Variants in TPSB2 observed in about 807,000 individuals in gnomAD.
The protein encoded by TPSB2 is tryptase beta-2.
Under a neutral mutation model 19.8 loss-of-function variants are expected in TPSB2, and 13 were observed. The ratio of observed to expected loss-of-function variants is 0.66; its 90% CI spans 0.43 to 1.04. TPSB2 has a LOEUF of 1.04. Among genes scored for constraint, TPSB2 ranks in the 50% least tolerant of loss-of-function variants. TPSB2 has a pLI of 0.00. For missense variants in TPSB2, 196 were observed against 259.9 expected, an observed-to-expected ratio of 0.75 and a Z score of 1.69; for synonymous variants, 78 against 116.4, an observed-to-expected ratio of 0.67 and a Z score of 2.12.
chr16:1,228,542 G>C lies in TPSB2; in HGVS notation c.*108C>G. 5.5e-6 allele frequency: 4 copies of C among 729,374 alleles called. No individual in the cohort carries two copies. Among genetic ancestry groups the C allele is most frequent in the Non-Finnish European group, 4.6e-6 (2 of 436,884 alleles). 45.2% of individuals were successfully genotyped at this position (729,374 alleles called of 1,614,324 possible). A position where few individuals can be genotyped will look rare whatever the true frequency, so the allele number is the denominator to read the frequency against. ...TAGGACAGGAAGGGGCACTCAGGAC[G>C]GGGCAGGGAAGGTGTGGGGGGCAGT... is the stretch of plus-strand genomic sequence containing the variant. On this transcript the variant is annotated 3_prime_UTR_variant, in exon 6 of 6. Coordinates refer to ENST00000606293, the MANE Select transcript of TPSB2 (RefSeq NM_024164.6).
rs765121043 is a variant in TPSB2, at chr16:1,228,713, G to T, written c.765C>A (p.Gly255=). The change falls in exon 6 of 6, where the codon GGC becomes GGA. Residue 255 remains glycine, a synonymous_variant. Coordinates refer to ENST00000606293, the MANE Select transcript of TPSB2 (RefSeq NM_024164.6). ...GEGCAQPNRP[G]IYTRVTYYLD... ...AGTAGTAGGTGACACGGGTGTAGAT[G>T]CCAGGCCGGTTGGGCTGGGCACAGC... 3.6e-5 allele frequency: 57 copies of T among 1,585,672 alleles called. No individual in the cohort carries two copies. Among genetic ancestry groups the T allele is most frequent in the Middle Eastern group, 1.7e-4 (1 of 5,834 alleles).
In TPSB2 at chr16:1,229,694, C is replaced by G. The variant is rs774814351; in HGVS notation, c.105G>C (p.Gln35His). Residue 35 changes from glutamine to histidine, a missense_variant, in exon 3 of 6, where the codon CAG becomes CAC. Gln to His is a conservative substitution (Grantham distance 24). Transcript: ENST00000606293. ...ALQRVGIVGG[Q>H]EAPRSKWPWQ... ...AGGGCCACTTGCTCCTGGGGGCCTC[C>G]TGACCCCCAACGATGCCCACTCGCT... The G allele has an allele frequency of 1.2e-6, 2 of 1,606,122 alleles. 1 individual carries two copies. Among genetic ancestry groups the G allele is most frequent in the African/African-American group, 2.8e-5 (2 of 72,052 alleles).
chr16:1,229,630 G>T lies in TPSB2; in HGVS notation c.169C>A (p.His57Asn), dbSNP rs531056933. Residue 57 changes from histidine (H) to asparagine (N), a missense_variant, in exon 3 of 6, where the codon CAC becomes AAC. Around this residue, in one of 4 missense-constraint regions of TPSB2, gnomAD observed 72 missense variants for 80.5 expected, o/e 0.89. Transcript: ENST00000606293. ...TGGATGAGGGAGCCCCCGCAGAAGT[G>T]CATCCAGTATCGGTCGCGGACTCTC... ...SLRVRDRYWM[H>N]FCGGSLIHPQ... is the part of the protein sequence containing the mutation. 27 of 1,603,602 alleles carry T rather than the reference G, an allele frequency of 1.7e-5. No homozygotes were observed. The highest frequency in any genetic ancestry group is 2.3e-5 in the Non-Finnish European group (27 of 1,179,064).
In TPSB2 at chr16:1,228,612, G is replaced by A. The variant is rs779703185; in HGVS notation, c.*38C>T. ...AGTGGTGTTTTGAACAGGAGGGGCT[G>A]GCTCTCCAGTGACCCAGGTGGACAC... On this transcript the variant is annotated 3_prime_UTR_variant, in exon 6 of 6. Transcript: ENST00000606293. 2.7e-5 allele frequency: 42 copies of A among 1,541,810 alleles called. 4 individuals carry two copies. In the South Asian group the frequency reaches 4.6e-4, roughly 17 times the overall value.
In TPSB2 at chr16:1,228,559, G is replaced by T; in HGVS notation, c.*91C>A. On this transcript the variant is annotated 3_prime_UTR_variant, in exon 6 of 6. Coordinates refer to ENST00000606293, the MANE Select transcript of TPSB2 (RefSeq NM_024164.6). Reference sequence around the variant, plus strand: ...CTCAGGACGGGGCAGGGAAGGTGTGGGGGGCAGTCGCCACCTGGGTAGGAA... The same window carrying T: ...CTCAGGACGGGGCAGGGAAGGTGTGTGGGGCAGTCGCCACCTGGGTAGGAA... The T allele has an allele frequency of 2.3e-6, 3 of 1,288,552 alleles. No individual in the cohort carries two copies. Among genetic ancestry groups the T allele is most frequent in the Non-Finnish European group, 3.2e-6 (3 of 926,110 alleles). The allele number at this position is 1,288,552 out of a possible 1,614,324, so 79.8% of individuals were successfully genotyped here. A position where few individuals can be genotyped will look rare whatever the true frequency, so the allele number is the denominator to read the frequency against.
At position 1,228,742 on chromosome 16, in the gene TPSB2, C is replaced by T. The variant is rs772422008; in HGVS notation, c.736G>A (p.Glu246Lys). ...WLQAGVVSWG[E>K]GCAQPNRPGI... ...GGCCGGTTGGGCTGGGCACAGCCCTCGCCCCAGCTGACCACGCCCGCCTGC... is the reference window on the plus strand; with the variant it reads ...GGCCGGTTGGGCTGGGCACAGCCCTTGCCCCAGCTGACCACGCCCGCCTGC... Residue 246 changes from glutamate to lysine, a missense_variant, in exon 6 of 6, where the codon GAG (glutamate) becomes AAG (lysine). Around this residue, in one of 4 missense-constraint regions of TPSB2, gnomAD observed 109 missense variants for 110.2 expected, o/e 0.99. Coordinates refer to ENST00000606293, the MANE Select transcript of TPSB2 (RefSeq NM_024164.6). 21 of 1,583,982 alleles carry T rather than the reference C, an allele frequency of 1.3e-5. No homozygotes were observed. The highest frequency in any genetic ancestry group is 2.3e-5 in the East Asian group (1 of 43,430).
At position 1,228,608 on chromosome 16, in the gene TPSB2, G is replaced by A. The variant is rs369978974; in HGVS notation, c.*42C>T. 1.3e-4 allele frequency: 206 copies of A among 1,532,950 alleles called. 34 individuals are homozygous for A. Among genetic ancestry groups the A allele is most frequent in the Non-Finnish European group, 1.1e-4 (128 of 1,122,544 alleles). 95.0% of individuals were successfully genotyped at this position (1,532,950 alleles called of 1,614,324 possible). A position where few individuals can be genotyped will look rare whatever the true frequency, so the allele number is the denominator to read the frequency against. The stretch of plus-strand genomic sequence containing the variant: ...AAGCAGTGGTGTTTTGAACAGGAGG[G>A]GCTGGCTCTCCAGTGACCCAGGTGG... On this transcript the variant is annotated 3_prime_UTR_variant, in exon 6 of 6. Transcript: ENST00000606293.
In TPSB2 at chr16:1,228,616, C is replaced by A. The variant is rs1326788402; in HGVS notation, c.*34G>T. 3.2e-6 allele frequency: 5 copies of A among 1,578,808 alleles called. 2 individuals are homozygous for A. The highest frequency in any genetic ancestry group is 4.3e-6 in the Non-Finnish European group (5 of 1,160,206). On this transcript the variant is annotated 3_prime_UTR_variant, in exon 6 of 6. Transcript: ENST00000606293. ...GTGTTTTGAACAGGAGGGGCTGGCT[C>A]TCCAGTGACCCAGGTGGACACCCCA...
In TPSB2 at chr16:1,228,830, G is replaced by A. The variant is rs559482508; in HGVS notation, c.664-16C>T. 14 of 1,098,096 alleles carry A rather than the reference G, an allele frequency of 1.3e-5. No individual in the cohort carries two copies. In the African/African-American group the frequency reaches 4.9e-4, roughly 39 times the overall value. The allele number at this position is 1,098,096 out of a possible 1,614,324, so 68.0% of individuals were successfully genotyped here. A position where few individuals can be genotyped will look rare whatever the true frequency, so the allele number is the denominator to read the frequency against. ...CGGAGTCGCCCTGGGAAGGTCAGAG[G>A]TCAGCGCTCGCCGAACAGGCCTGGG... On this transcript the variant is annotated splice_polypyrimidine_tract_variant and intron_variant, in intron 5 of 5. Transcript: ENST00000606293.
chr16:1,228,883 G>A lies in TPSB2; in HGVS notation c.663+17C>T. The A allele has an allele frequency of 7.1e-6, 1 of 140,866 alleles. No homozygotes were observed. Among genetic ancestry groups the A allele is most frequent in the Non-Finnish European group, 1.3e-5 (1 of 78,414 alleles). The allele number at this position is 140,866 out of a possible 1,614,324, so 8.7% of individuals were successfully genotyped here. On this transcript the variant is annotated intron_variant, in intron 5 of 5. Transcript: ENST00000606293. Reference sequence around the variant, plus strand: ...TGGGGGTTGGGGGGCGGGGGGCGGGGGACAGGCGGGGCCCACCTGGCATGA... The same window carrying A: ...TGGGGGTTGGGGGGCGGGGGGCGGGAGACAGGCGGGGCCCACCTGGCATGA...
At position 1,228,438 on chromosome 16, in the gene TPSB2, G is replaced by C. The variant is rs1176114193; in HGVS notation, c.*212C>G. ...CCGGAGGGCCCGGTGCAGGCGTCAG[G>C]CTTAGGACAGGGAAGGGGGCTCAGG... On this transcript the variant is annotated 3_prime_UTR_variant, in exon 6 of 6. Coordinates refer to ENST00000606293, the MANE Select transcript of TPSB2 (RefSeq NM_024164.6). 7 of 1,125,086 alleles carry C rather than the reference G, an allele frequency of 6.2e-6. No individual in the cohort carries two copies. The highest frequency in any genetic ancestry group is 8.7e-6 in the Non-Finnish European group (7 of 808,472). The allele number at this position is 1,125,086 out of a possible 1,614,324, so 69.7% of individuals were successfully genotyped here.
rs1205235989 is a variant in TPSB2, at chr16:1,229,074, G to C, written c.500-11C>G. Reference sequence around the variant, plus strand: ...GCGGTGGGAGGCGCTCTGCAGGTGGGGAAGAGGGTGCAGCCTCAGGAGGGG... The same window carrying C: ...GCGGTGGGAGGCGCTCTGCAGGTGGCGAAGAGGGTGCAGCCTCAGGAGGGG... On this transcript the variant is annotated splice_polypyrimidine_tract_variant and intron_variant, in intron 4 of 5. Coordinates refer to ENST00000606293, the MANE Select transcript of TPSB2 (RefSeq NM_024164.6). 2.7e-6 allele frequency: 1 copy of C among 368,974 alleles called. No homozygotes were observed. The highest frequency in any genetic ancestry group is 9.7e-5 in the African/African-American group (1 of 10,314). 22.9% of individuals were successfully genotyped at this position (368,974 alleles called of 1,614,324 possible). A position where few individuals can be genotyped will look rare whatever the true frequency, so the allele number is the denominator to read the frequency against.
chr16:1,228,548 G>T lies in TPSB2; in HGVS notation c.*102C>A. On this transcript the variant is annotated 3_prime_UTR_variant, in exon 6 of 6. Coordinates refer to ENST00000606293, the MANE Select transcript of TPSB2 (RefSeq NM_024164.6). ...AGGAAGGGGCACTCAGGACGGGGCA[G>T]GGAAGGTGTGGGGGGCAGTCGCCAC... 4 of 915,076 alleles carry T rather than the reference G, an allele frequency of 4.4e-6. No individual in the cohort carries two copies. Among genetic ancestry groups the T allele is most frequent in the Non-Finnish European group, 6.7e-6 (4 of 596,870 alleles). 56.7% of individuals were successfully genotyped at this position (915,076 alleles called of 1,614,324 possible).
At position 1,228,906 on chromosome 16, in the gene TPSB2, T is replaced by G. The variant is rs199812972; in HGVS notation, c.657A>C (p.Ser219=). 0.091 allele frequency: 28,597 copies of G among 314,636 alleles called. 542 individuals carry two copies. The highest frequency in any genetic ancestry group is 0.098 in the Non-Finnish European group (18,280 of 186,994). 19.5% of individuals were successfully genotyped at this position (314,636 alleles called of 1,614,324 possible). ...MLCAGNTRRD[S]CQGDSGGPLV... is the part of the protein sequence containing the mutation. Reference sequence around the variant, plus strand: ...GGGGACAGGCGGGGCCCACCTGGCATGAGTCCCTCCGGGTGTTCCCGGCAC... The same window carrying G: ...GGGGACAGGCGGGGCCCACCTGGCAGGAGTCCCTCCGGGTGTTCCCGGCAC... Residue 219 remains serine, a synonymous_variant, in exon 5 of 6, where the codon TCA becomes TCC. Transcript: ENST00000606293.
In TPSB2 at chr16:1,229,320, G is replaced by T. The variant is rs1401723123; in HGVS notation, c.370C>A (p.Leu124Met). Reference sequence around the variant, plus strand: ...TTCACCGGCTCCTCCAGCTCCAGCAGGGCGATGTCCGCTCCGATCTGGGCG... The same window carrying T: ...TTCACCGGCTCCTCCAGCTCCAGCATGGCGATGTCCGCTCCGATCTGGGCG... Reference protein sequence around the residue: ...YTAQIGADIALLELEEPVNVS... With the variant: ...YTAQIGADIAMLELEEPVNVS... Residue 124 changes from leucine (L) to methionine (M), a missense_variant, in exon 4 of 6, where the codon CTG becomes ATG. Transcript: ENST00000606293. 1 of 526,580 alleles carries T rather than the reference G, an allele frequency of 1.9e-6. No individual in the cohort carries two copies. The highest frequency in any genetic ancestry group is 7.4e-5 in the African/African-American group (1 of 13,468). The allele number at this position is 526,580 out of a possible 1,614,324, so 32.6% of individuals were successfully genotyped here.
chr16:1,228,424 G>T lies in TPSB2; in HGVS notation c.*226C>A. On this transcript the variant is annotated 3_prime_UTR_variant, in exon 6 of 6. Coordinates refer to ENST00000606293, the MANE Select transcript of TPSB2 (RefSeq NM_024164.6). ...TGGGCAGGGGAGGGCCGGAGGGCCC[G>T]GTGCAGGCGTCAGGCTTAGGACAGG... 2.1e-6 allele frequency: 2 copies of T among 961,210 alleles called. No homozygotes were observed. Among genetic ancestry groups the T allele is most frequent in the Middle Eastern group, 3.3e-4 (1 of 3,058 alleles). The allele number at this position is 961,210 out of a possible 1,614,324, so 59.5% of individuals were successfully genotyped here. A position where few individuals can be genotyped will look rare whatever the true frequency, so the allele number is the denominator to read the frequency against.
Position 1,228,755 on chromosome 16 carries a change from C to G in TPSB2, c.723G>C (p.Val241=). 6.4e-7 allele frequency: 1 copy of G among 1,570,454 alleles called. No individual in the cohort carries two copies. Among genetic ancestry groups the G allele is most frequent in the Non-Finnish European group, 8.6e-7 (1 of 1,159,980 alleles). The change falls in exon 6 of 6, where the codon GTG becomes GTC. Residue 241 remains valine, a synonymous_variant. Transcript: ENST00000606293. The part of the protein sequence containing the change: ...KVNGTWLQAG[V]VSWGEGCAQP... ...GGGCACAGCCCTCGCCCCAGCTGAC[C>G]ACGCCCGCCTGCAGCCAGGTGCCAT...
Position 1,229,599 on chromosome 16 carries a change from T to C in TPSB2, c.200A>G (p.Gln67Arg), listed in dbSNP as rs2030329447. 6.3e-7 allele frequency: 1 copy of C among 1,593,320 alleles called. No homozygotes were observed. Among genetic ancestry groups the C allele is most frequent in the African/African-American group, 1.5e-5 (1 of 67,916 alleles). ...HFCGGSLIHP[Q>R]WVLTAAHCVG... ...GCAGTGCGCTGCGGTCAGCACCCAC[T>C]GGGGGTGGATGAGGGAGCCCCCGCA... The change falls in exon 3 of 6, where the codon CAG becomes CGG. Residue 67 changes from glutamine to arginine, a missense_variant. This residue lies in a region of TPSB2 where 72 missense variants were observed against 80.5 expected (regional missense o/e 0.89). Transcript: ENST00000606293.
At position 1,228,545 on chromosome 16, in the gene TPSB2, G is replaced by A; in HGVS notation, c.*105C>T. ...GACAGGAAGGGGCACTCAGGACGGG[G>A]CAGGGAAGGTGTGGGGGGCAGTCGC... On this transcript the variant is annotated 3_prime_UTR_variant, in exon 6 of 6. Coordinates refer to ENST00000606293, the MANE Select transcript of TPSB2 (RefSeq NM_024164.6). 1.2e-6 allele frequency: 1 copy of A among 803,450 alleles called. No homozygotes were observed. Among genetic ancestry groups the A allele is most frequent in the East Asian group, 2.6e-5 (1 of 37,920 alleles). The allele number at this position is 803,450 out of a possible 1,614,324, so 49.8% of individuals were successfully genotyped here. A position where few individuals can be genotyped will look rare whatever the true frequency, so the allele number is the denominator to read the frequency against.
Sources: allele counts gnomAD v4.1 joint callset, GRCh38; gene constraint gnomAD v4.1.1; regional missense constraint gnomAD v4.1.1; transcripts MANE v1.5; gene names NCBI Gene and HGNC (gene_info 2026-07-23, HGNC 2026-07-21).